The following SOD2 variants were observed in gnomAD, a reference collection of about 807,000 sequenced individuals.
SOD2 encodes the protein superoxide dismutase [Mn], mitochondrial.
SOD2 carries 11 observed loss-of-function variants against 27.0 expected under a neutral mutation model. The observed-to-expected ratio is 0.41, with a 90% CI of 0.26 to 0.67. SOD2 has a LOEUF of 0.67. Among genes scored for constraint, SOD2 ranks in the 30% least tolerant of loss-of-function variants. The pLI, the probability that SOD2 is intolerant of heterozygous loss-of-function variation, is 0.34. For missense variants in SOD2, 250 were observed against 274.5 expected (o/e 0.91, Z 0.63); for synonymous variants, 105 against 103.0 (o/e 1.02, Z -0.12).
intron 1 of SOD2, among the ~76,000 whole-genome samples, chr6:159,720,188 G>A (rs1035779855): frequency 6.6e-5 from 10 of 151,404 alleles, no homozygotes; most frequent in African/African-American, 2.4e-4. Flanking sequence ...CCGCCACCAC[G>A]CCCGGCTAAT....
At chr6:159,738,481 C>A (rs1287211185) in intron 1 of SOD2, among the ~76,000 whole-genome samples, 1 of 152,060 alleles carries the variant, frequency 6.6e-6, no homozygotes, top group Non-Finnish European at 1.5e-5. Context: ...CAATCATTTG[C>A]CTGTTAAAGG....
rs554540441 is a variant in SOD2 at position 159,687,582 on chromosome 6, G to C, written c.343+544C>G. The stretch of plus-strand genomic sequence containing the variant: ...GGAGTTGATGTGATATTCTATGTTG[G>C]CGTGAACATAAAATCTTATGACATA... On this transcript the variant is annotated intron_variant, in intron 3 of 4. Coordinates refer to ENST00000538183, the MANE Select transcript of SOD2 (RefSeq NM_000636.4). Among the ~76,000 whole-genome samples, 4 of 152,216 alleles carry C rather than the reference G, an allele frequency of 2.6e-5. No individual in the cohort carries two copies. The South Asian group carries it at 8.3e-4, about 32-fold the overall frequency.
chr6:159,753,683 G>A (rs1428364993), intron 1 of SOD2: 8 of 1,514,194 alleles, frequency 5.3e-6, no homozygotes, highest in Non-Finnish European at 7.1e-6. Flanking sequence ...TGCCAGTCAT[G>A]AATATTATAG....
chr6:159,716,751 C>T (rs1435279359), intron 1 of SOD2, among the ~76,000 whole-genome samples: 1 of 152,146 alleles, frequency 6.6e-6, no homozygotes, highest in Non-Finnish European at 1.5e-5. Context: ...TGTGGGGATG[C>T]TAAATGTCCT....
intron 4 of SOD2, among the ~76,000 whole-genome samples, chr6:159,684,134 G>A (rs1464073800): frequency 6.6e-6 from 1 of 152,146 alleles, no homozygotes; most frequent in Non-Finnish European, 1.5e-5. Flanking sequence ...AGAAGGTCTG[G>A]AAACCTGAGA....
At chr6:159,727,548 G>T, upstream of SOD2, 1 of 989,222 alleles carries the variant, frequency 1.0e-6, no homozygotes, top group South Asian at 4.5e-5. Context: ...CACAAATAAA[G>T]GGGAGCGCAG....
In SOD2 at chr6:159,719,088, AATCT is replaced by A. The variant is rs1777979021; in HGVS notation, c.-116+8037_-116+8040del. On this transcript the variant is annotated intron_variant, in intron 1 of 2. Transcript: ENST00000401980. ...TGCGTCCACCCAAAATTCATGTTGA[AATCT>A]TAACCCCTAATGTGGAGGTAGGTGG... is the stretch of plus-strand genomic sequence containing the variant. Among the ~76,000 whole-genome samples, 3 of 152,206 alleles carry A rather than the reference AATCT, an allele frequency of 2.0e-5. No individual in the cohort carries two copies. The South Asian group carries it at 6.2e-4, about 32-fold the overall frequency.
rs1197270495 is a variant in SOD2 at position 159,710,173 on chromosome 6, T to G, written c.-116+16956A>C. 1.2e-4 allele frequency among the ~76,000 whole-genome samples: 18 copies of G among 151,342 alleles called. 1 individual carries two copies. In the East Asian group the frequency reaches 2.7e-3, roughly 23 times the overall value. The stretch of plus-strand genomic sequence containing the variant: ...AGATATACCTAATGTAAATGTCGAG[T>G]TAATGGGTGTAGTACACCAACATGG... On this transcript the variant is annotated intron_variant, in intron 1 of 2. Coordinates refer to the SOD2 transcript ENST00000401980.
intron 4 of SOD2, among the ~76,000 whole-genome samples, chr6:159,683,252 G>A (rs1780037311): frequency 6.6e-6 from 1 of 152,188 alleles, no homozygotes; most frequent in Non-Finnish European, 1.5e-5. Context: ...GGGAGGCCGA[G>A]GCAGGCAGAT....
chr6:159,729,714 TA>T (rs1178968639), upstream of SOD2, among the ~76,000 whole-genome samples: 1 of 152,226 alleles, frequency 6.6e-6, no homozygotes, highest in Non-Finnish European at 1.5e-5. Flanking sequence ...AGATAGAGGA[TA>T]AGGAAAAGAT....
At chr6:159,693,303 T>A (rs1267445074), upstream of SOD2, 3 of 571,704 alleles carry the variant, frequency 5.2e-6, no homozygotes, top group Non-Finnish European at 8.1e-6. Context: ...CGACCCCAGC[T>A]GCGCCGCAAG....
At chr6:159,698,364 G>A (rs1777464437) in intron 1 of SOD2, among the ~76,000 whole-genome samples, 1 of 151,678 alleles carries the variant, frequency 6.6e-6, no homozygotes, top group Non-Finnish European at 1.5e-5. Flanking sequence ...TCCTGCCACT[G>A]CACTCTGCAC....
upstream of SOD2, chr6:159,748,839 G>A (rs1562465142): frequency 9.0e-6 from 11 of 1,221,762 alleles, no homozygotes; most frequent in Non-Finnish European, 1.1e-5. The surrounding 1 kb of genome is among the most constrained non-coding windows in gnomAD (Gnocchi z 5.6). Context: ...TCTTAACCTT[G>A]AGCATAGTGA....
intron 1 of SOD2, chr6:159,727,013 G>C: frequency 8.0e-7 from 1 of 1,242,802 alleles, no homozygotes; most frequent in Non-Finnish European, 1.0e-6. Context: ...TCCGCACGAG[G>C]CAGCCCCGCA....
chr6:159,709,820 A>G (rs192397196), intron 1 of SOD2, among the ~76,000 whole-genome samples: 26 of 152,274 alleles, frequency 1.7e-4, no homozygotes, highest in African/African-American at 6.3e-4. Flanking sequence ...ATTCACACGT[A>G]TGTTTATTGC....
At chr6:159,720,085 C>T (rs1355549665) in intron 1 of SOD2, among the ~76,000 whole-genome samples, 1 of 149,476 alleles carries the variant, frequency 6.7e-6, no homozygotes, top group Non-Finnish European at 1.5e-5. Flanking sequence ...GGCTGGAGTG[C>T]AGTGGCACGA....
At chr6:159,761,461 C>A in exon 1 of SOD2, 3 of 451,428 alleles carry the variant, frequency 6.6e-6, no homozygotes, top group South Asian at 3.1e-5. Context: ...AGGCAGGGGG[C>A]TCGCACCGAG....
At chr6:159,760,472 TG>T (rs1780101248) in intron 1 of SOD2, 1 of 152,186 alleles carries the variant, frequency 6.6e-6, no homozygotes, top group African/African-American at 2.4e-5. Context: ...GATATCACCA[TG>T]TTGGCCAGGC....
At chr6:159,744,723 C>T (rs777974015) in intron 1 of SOD2, among the ~76,000 whole-genome samples, 13 of 148,936 alleles carry the variant, frequency 8.7e-5, no homozygotes, top group Admixed American at 2.0e-4. Flanking sequence ...TCCCACTAAC[C>T]CCCCCGCCCT....
Sources: gnomAD v4.1 joint callset for allele counts (sites outside exome capture counted in the v4.1 genomes callset) on GRCh38, gnomAD v4.1.1 for gene constraint, Gnocchi (gnomAD v3.1) non-coding constraint, MANE v1.5 for transcripts, NCBI Gene and HGNC (gene_info 2026-07-23, HGNC 2026-07-21) for gene names.